CEP350: variants seen among roughly 807,000 people sequenced by gnomAD.
CEP350 encodes centrosomal protein 350, also known as centrosome-associated protein 350.
In CEP350, 126 loss-of-function variants were observed where a neutral mutation model predicts 331.8. That is an observed-to-expected ratio of 0.38 (90% CI 0.33 to 0.44). The LOEUF (loss-of-function observed/expected upper bound fraction) is 0.44, where lower values mean the gene tolerates loss of function less well. Among genes scored for constraint, CEP350 ranks in the 20% least tolerant of loss-of-function variants. The pLI, the probability that CEP350 is intolerant of heterozygous loss-of-function variation, is 1.00. For missense variants in CEP350, 3,406 were observed against 3,634.6 expected (o/e 0.94, Z 1.62); for synonymous variants, 1,200 against 1,259.5 (o/e 0.95, Z 1.00).
At chr1:180,033,115 A>C (rs1415633759) in intron 15 of CEP350, among the ~76,000 whole-genome samples, 1 of 152,164 alleles carries the variant, frequency 6.6e-6, no homozygotes, top group Non-Finnish European at 1.5e-5. Flanking sequence ...TGCTTTATAG[A>C]GTATCTTTGA....
At chr1:180,032,207 C>G (rs1656072487) in intron 15 of CEP350, among the ~76,000 whole-genome samples, 1 of 152,076 alleles carries the variant, frequency 6.6e-6, no homozygotes, top group African/African-American at 2.4e-5. Flanking sequence ...TTCATGTGTG[C>G]ACTGGTTTTG....
intron 31 of CEP350, chr1:180,085,647 C>T (rs1659819581): frequency 3.3e-5 from 5 of 152,230 alleles, no homozygotes; most frequent in African/African-American, 1.2e-4. Flanking sequence ...GAACATCATT[C>T]AACTTCTACC....
intron 25 of CEP350, 122 bp downstream of exon 25, chr1:180,054,624 A>G: frequency 1.4e-6 from 1 of 701,300 alleles, no homozygotes; most frequent in South Asian, 1.7e-5. Context: ...TGATACTTCC[A>G]CTGTTTATGT....
chr1:179,979,007 G>T (rs894601728), intron 1 of CEP350, among the ~76,000 whole-genome samples: 1 of 152,068 alleles, frequency 6.6e-6, no homozygotes, highest in African/African-American at 2.4e-5. Context: ...CTTGGTTATT[G>T]TGAATAATGC....
At chr1:180,091,133 A>T (rs1660170706) in intron 33 of CEP350, among the ~76,000 whole-genome samples, 1 of 151,316 alleles carries the variant, frequency 6.6e-6, no homozygotes, top group South Asian at 2.1e-4. Context: ...CTAGCCTCCC[A>T]AGTAGCCAGG....
At position 180,075,046 on chromosome 1, in the gene CEP350, A is replaced by G. The variant is rs751166978; in HGVS notation, c.5592A>G (p.Lys1864=). 3.1e-6 allele frequency: 5 copies of G among 1,611,864 alleles called. No individual in the cohort carries two copies. In the South Asian group the frequency reaches 5.5e-5, roughly 18 times the overall value. Residue 1864 remains lysine (K), a synonymous_variant, in exon 28 of 38, where the codon AAA becomes AAG. Coordinates refer to ENST00000367607, the MANE Select transcript of CEP350 (RefSeq NM_014810.5). ...DEKFLTKREQ[K]LMQRRQHAEE... ...GGTTTCTGACAAAGCGGGAGCAAAA[A>G]TTAATGCAACGGCGACAACATGCAG...
chr1:179,969,296 G>T (rs536419690), intron 1 of CEP350: 5 of 498,734 alleles, frequency 1.0e-5, no homozygotes, highest in South Asian at 7.5e-5. Flanking sequence ...TGAAAACGCT[G>T]TGACCAAGGA....
chr1:180,070,599 C>A (rs1370617159), intron 27 of CEP350, among the ~76,000 whole-genome samples: 1 of 152,190 alleles, frequency 6.6e-6, no homozygotes, highest in Non-Finnish European at 1.5e-5. Flanking sequence ...AGGTCACACA[C>A]ACACAGCAGA....
At chr1:180,049,750 G>C (rs1336512649) in intron 22 of CEP350, among the ~76,000 whole-genome samples, 1 of 152,090 alleles carries the variant, frequency 6.6e-6, no homozygotes, top group Non-Finnish European at 1.5e-5. Flanking sequence ...CACCGTGTTG[G>C]TCAGGCTGAT....
In CEP350 at chr1:180,112,620, T is replaced by TA. The variant is rs1661515723; in HGVS notation, c.*1462dup. ...ATGTGGATACTCTTAGGCGTGAATG[T>TA]AAATGCCTTAATATTGAAGGTCCTG... On this transcript the variant is annotated 3_prime_UTR_variant, in exon 38 of 38. Coordinates refer to ENST00000367607, the MANE Select transcript of CEP350 (RefSeq NM_014810.5). The TA allele has an allele frequency of 6.6e-6, 1 of 152,660 alleles. No homozygotes were observed. Among genetic ancestry groups the TA allele is most frequent in the South Asian group, 2.1e-4 (1 of 4,834 alleles). 9.5% of individuals were successfully genotyped at this position (152,660 alleles called of 1,614,324 possible). A position where few individuals can be genotyped will look rare whatever the true frequency, so the allele number is the denominator to read the frequency against.
At chr1:180,009,929 T>G (rs1160524532) in intron 8 of CEP350, among the ~76,000 whole-genome samples, 2 of 152,146 alleles carry the variant, frequency 1.3e-5, no homozygotes, top group Non-Finnish European at 2.9e-5. Flanking sequence ...AAAGAAACTC[T>G]AAATGGAAAG....
intron 13 of CEP350, among the ~76,000 whole-genome samples, chr1:180,024,057 G>A (rs542018616): frequency 2.0e-5 from 3 of 151,934 alleles, no homozygotes; most frequent in South Asian, 4.2e-4. Context: ...TTATTTCCAG[G>A]TAGAGGTAGA....
chr1:180,054,805 G>GT (rs1404701075), intron 25 of CEP350, among the ~76,000 whole-genome samples: 1 of 152,120 alleles, frequency 6.6e-6, no homozygotes, highest in African/African-American at 2.4e-5. Flanking sequence ...TAAGATATGT[G>GT]TAAAAGAATC....
At position 180,065,190 on chromosome 1, in the gene CEP350, C is replaced by T. The variant is rs371909946; in HGVS notation, c.5485C>T (p.Pro1829Ser). 4.2e-5 allele frequency: 67 copies of T among 1,613,708 alleles called. No homozygotes were observed. The highest frequency in any genetic ancestry group is 5.3e-5 in the Non-Finnish European group (63 of 1,179,828). The change falls in exon 27 of 38, where the codon CCT (proline) becomes TCT (serine). Residue 1829 changes from proline (P) to serine (S), a missense_variant. By Grantham distance (74) the Pro-to-Ser change is moderately conservative. Transcript: ENST00000367607. ...PGPTDLETRS[P>S]SPISISSSET... ...TCCAACTGACTTGGAGACCCGCAGT[C>T]CTTCTCCCATTTCAATCTCCAGCAG...
chr1:180,086,839 T>C (rs1464001547), intron 31 of CEP350, among the ~76,000 whole-genome samples: 1 of 152,138 alleles, frequency 6.6e-6, no homozygotes, highest in Admixed American at 6.5e-5. Flanking sequence ...TTGACAAGCA[T>C]CCATCCATCC....
Position 179,986,175 on chromosome 1 carries a change from T to C in CEP350, c.-7T>C, listed in dbSNP as rs1347585922. The C allele has an allele frequency of 6.4e-7, 1 of 1,550,550 alleles. No homozygotes were observed. The highest frequency in any genetic ancestry group is 2.0e-5 in the Admixed American group (1 of 50,984). ...AATACTGATGTGATTGCAGGTAAAT[T>C]GGCAGGATGAGGAGCAGCAAATCAA... is the stretch of plus-strand genomic sequence containing the variant. On this transcript the variant is annotated 5_prime_UTR_variant, in exon 2 of 38. Transcript: ENST00000367607.
At position 180,006,318 on chromosome 1, in the gene CEP350, A is replaced by T. The variant is rs112064719; in HGVS notation, c.1133-136A>T. Reference sequence around the variant, plus strand: ...AGTTGATGTTGGTATTATGTGGGCCATAGAAGTAGCCTCAGTGTAGGTTTC... The same window carrying T: ...AGTTGATGTTGGTATTATGTGGGCCTTAGAAGTAGCCTCAGTGTAGGTTTC... On this transcript the variant is annotated intron_variant, in intron 7 of 37. Coordinates refer to ENST00000367607, the MANE Select transcript of CEP350 (RefSeq NM_014810.5). The T allele has an allele frequency of 3.7e-3, 2,232 of 600,470 alleles. 36 individuals are homozygous for T. The highest frequency in any genetic ancestry group is 0.032 in the African/African-American group (1,723 of 53,586). 37.2% of individuals were successfully genotyped at this position (600,470 alleles called of 1,614,324 possible).
intron 24 of CEP350, 114 bp downstream of exon 24, chr1:180,054,048 A>C (rs996129794): frequency 5.0e-6 from 4 of 797,720 alleles, no homozygotes; most frequent in Non-Finnish European, 3.7e-6. Context: ...CCAGTTTCTC[A>C]AGCTAGAAAT....
At chr1:180,052,598 C>A (rs1657582262) in intron 22 of CEP350, among the ~76,000 whole-genome samples, 1 of 149,790 alleles carries the variant, frequency 6.7e-6, no homozygotes, top group Non-Finnish European at 1.5e-5. Flanking sequence ...TACTTCATTT[C>A]TTTGATTGAT....
Sources: allele counts gnomAD v4.1 joint callset (sites outside exome capture counted in the v4.1 genomes callset), GRCh38; gene constraint gnomAD v4.1.1; transcripts MANE v1.5; gene names NCBI Gene and HGNC (gene_info 2026-07-23, HGNC 2026-07-21).